The following LAMC1 variants were observed in gnomAD, a reference collection of about 807,000 sequenced individuals.
The protein encoded by LAMC1 is laminin subunit gamma-1.
Under a neutral mutation model 173.6 loss-of-function variants are expected in LAMC1, and 38 were observed. The observed-to-expected ratio is 0.22, with a 90% CI of 0.17 to 0.29. LAMC1 has a LOEUF of 0.29. Ranked by LOEUF, LAMC1 falls within the 10% of genes least tolerant of loss-of-function variation. The pLI is 1.00. For missense variants in LAMC1, 1,824 were observed against 2,051.8 expected (o/e 0.89, Z 2.14); for synonymous variants, 746 against 749.1 (o/e 1.00, Z 0.07).
intron 1 of LAMC1, among the ~76,000 whole-genome samples, chr1:183,025,534 AGGTG>A (rs1653665117): frequency 6.6e-6 from 1 of 152,218 alleles, no homozygotes; most frequent in South Asian, 2.1e-4. Context: ...AGTTTTTTAA[AGGTG>A]CCTTTCTGAA....
intron 1 of LAMC1, among the ~76,000 whole-genome samples, chr1:183,070,465 C>G (rs868410396): frequency 2.9e-4 from 44 of 152,152 alleles, no homozygotes; most frequent in African/African-American, 9.4e-4. Context: ...TGGGATACTT[C>G]CAGTTTTGTG....
intron 1 of LAMC1, among the ~76,000 whole-genome samples, chr1:183,040,583 A>C (rs1654104139): frequency 6.6e-6 from 1 of 152,156 alleles, no homozygotes; most frequent in African/African-American, 2.4e-5. Context: ...ATAATGTGGC[A>C]TCATTAGTGT....
At chr1:183,116,502 TA>T in intron 6 of LAMC1, 74 bp from the exon 7 acceptor site, 1 of 1,054,048 alleles carries the variant, frequency 9.5e-7, no homozygotes, top group Non-Finnish European at 1.4e-6. Flanking sequence ...TGTTAACATG[TA>T]AAACAAAGGG....
intron 26 of LAMC1, 98 bp from the exon 27 acceptor site, chr1:183,140,306 A>G (rs1657076608): frequency 1.8e-6 from 1 of 565,080 alleles, no homozygotes; most frequent in Non-Finnish European, 2.8e-6. Context: ...AAAAGGGAAG[A>G]AAATCTGGAA....
intron 1 of LAMC1, among the ~76,000 whole-genome samples, chr1:183,071,097 T>TG (rs1366102890): frequency 3.3e-5 from 5 of 151,908 alleles, no homozygotes; most frequent in African/African-American, 4.8e-5. Flanking sequence ...TTTTTGTTTT[T>TG]TTTTTTTTGA....
intron 1 of LAMC1, among the ~76,000 whole-genome samples, chr1:183,064,449 T>C (rs1436668077): frequency 1.3e-5 from 2 of 152,208 alleles, no homozygotes; most frequent in Admixed American, 6.5e-5. Context: ...TTCAATATGC[T>C]TCTGGTCACA....
intron 27 of LAMC1, among the ~76,000 whole-genome samples, chr1:183,141,917 G>C (rs972078415): frequency 2.0e-5 from 3 of 152,148 alleles, no homozygotes; most frequent in Non-Finnish European, 2.9e-5. Flanking sequence ...TATTGTGTCT[G>C]CTTTTGTTTG....
chr1:183,096,697 C>G (rs1016199512), intron 1 of LAMC1: 1 of 152,098 alleles, frequency 6.6e-6, no homozygotes, highest in African/African-American at 2.4e-5. Flanking sequence ...GGTTATTTGT[C>G]TGCATTTTTA....
At chr1:183,083,610 T>C (rs958910085) in intron 1 of LAMC1, among the ~76,000 whole-genome samples, 3 of 152,222 alleles carry the variant, frequency 2.0e-5, no homozygotes, top group Non-Finnish European at 4.4e-5. Context: ...ATTTTTCCTT[T>C]TAGAAGTTTT....
intron 1 of LAMC1, among the ~76,000 whole-genome samples, chr1:183,038,430 C>G (rs1654040414): frequency 6.6e-6 from 1 of 152,178 alleles, no homozygotes; most frequent in Non-Finnish European, 1.5e-5. Context: ...TTAAAATGTC[C>G]TCAGTGTCCT....
chr1:183,038,487 G>C (rs911296080), intron 1 of LAMC1, among the ~76,000 whole-genome samples: 4 of 152,108 alleles, frequency 2.6e-5, no homozygotes, highest in African/African-American at 4.8e-5. Context: ...TGGTCAGTTG[G>C]TAAACTATAA....
chr1:183,107,720 C>T (rs1427102501), intron 2 of LAMC1, among the ~76,000 whole-genome samples: 1 of 152,110 alleles, frequency 6.6e-6, no homozygotes, highest in Non-Finnish European at 1.5e-5. Context: ...GTCCCAGCTA[C>T]TCGGGAGGCT....
chr1:183,083,613 G>T (rs1430567575), intron 1 of LAMC1, among the ~76,000 whole-genome samples: 2 of 152,094 alleles, frequency 1.3e-5, no homozygotes, highest in Non-Finnish European at 2.9e-5. Flanking sequence ...TTTCCTTTTA[G>T]AAGTTTTTTA....
At chr1:183,137,910 C>G (rs1341338869) in intron 26 of LAMC1, 83 bp downstream of exon 26, 1 of 1,207,888 alleles carries the variant, frequency 8.3e-7, no homozygotes, top group Non-Finnish European at 1.1e-6. Context: ...TGAGAAGAGT[C>G]TTTTTTATAT....
intron 1 of LAMC1, among the ~76,000 whole-genome samples, chr1:183,055,332 G>T (rs1338624969): frequency 6.6e-6 from 1 of 151,852 alleles, no homozygotes; most frequent in Non-Finnish European, 1.5e-5. Flanking sequence ...TGTGAAATGT[G>T]GCGATAGATG....
chr1:183,131,426 G>GGTGTGT (rs1553258259), intron 20 of LAMC1, 48 bp downstream of exon 20: 6 of 906,622 alleles, frequency 6.6e-6, no homozygotes, highest in Non-Finnish European at 9.9e-6. Flanking sequence ...CTTCTGTTAT[G>GGTGTGT]GGGTGTGTGT....
At chr1:183,050,656 C>T (rs1654399619) in intron 1 of LAMC1, among the ~76,000 whole-genome samples, 1 of 145,756 alleles carries the variant, frequency 6.9e-6, no homozygotes. Flanking sequence ...CTTTGGGAGG[C>T]TGAGGCTGGT....
At chr1:183,064,279 G>A (rs1217729077) in intron 1 of LAMC1, among the ~76,000 whole-genome samples, 1 of 152,172 alleles carries the variant, frequency 6.6e-6, no homozygotes, top group Non-Finnish European at 1.5e-5. Flanking sequence ...GTCATAGGGT[G>A]AACTTAGACA....
At chr1:183,059,011 C>T (rs1654674138) in intron 1 of LAMC1, among the ~76,000 whole-genome samples, 1 of 152,198 alleles carries the variant, frequency 6.6e-6, no homozygotes. Context: ...GATTTTCTTG[C>T]AAGATGACTA....
Sources: allele counts gnomAD v4.1 joint callset (sites outside exome capture counted in the v4.1 genomes callset), GRCh38; gene constraint gnomAD v4.1.1; transcripts MANE v1.5; gene names NCBI Gene and HGNC (gene_info 2026-07-23, HGNC 2026-07-21).